JARID2: variants seen among roughly 807,000 people sequenced by gnomAD.
JARID2 encodes protein Jumonji.
A neutral mutation model predicts 125.6 loss-of-function variants in JARID2; 21 were observed. The observed-to-expected ratio is 0.17, with a 90% confidence interval of 0.12 to 0.24. The LOEUF is 0.24. Ranked by LOEUF, JARID2 falls within the 10% of genes least tolerant of loss-of-function variation. JARID2 has a pLI of 1.00. For missense variants in JARID2, 1,303 were observed against 1,639.6 expected (o/e 0.79, Z 3.55); for synonymous variants, 736 against 661.6 (o/e 1.11, Z -1.73).
intron 17 of JARID2, among the ~76,000 whole-genome samples, chr6:15,519,476 C>T (rs759147090): frequency 8.5e-5 from 13 of 152,076 alleles, no homozygotes; most frequent in Non-Finnish European, 1.8e-4. Context: ...CCCAGCCACC[C>T]GTGGCCCAGA....
intron 3 of JARID2, among the ~76,000 whole-genome samples, chr6:15,429,329 A>G (rs1426914912): frequency 6.6e-6 from 1 of 151,700 alleles, no homozygotes; most frequent in East Asian, 1.9e-4. Context: ...CAATGGTGTC[A>G]TCATAGGCTA....
intron 1 of JARID2, among the ~76,000 whole-genome samples, chr6:15,353,621 T>C: frequency 6.6e-6 from 1 of 152,176 alleles, no homozygotes; most frequent in Non-Finnish European, 1.5e-5. Flanking sequence ...CCTGTCACAT[T>C]AGAATGATCC....
intron 2 of JARID2, among the ~76,000 whole-genome samples, chr6:15,389,176 CTGTT>C (rs1199606859): frequency 2.6e-5 from 4 of 152,096 alleles, no homozygotes; most frequent in Non-Finnish European, 4.4e-5. Flanking sequence ...ATTTATTTAA[CTGTT>C]TGTTTTTATT....
At chr6:15,381,446 A>T (rs1020804783) in intron 2 of JARID2, among the ~76,000 whole-genome samples, 2 of 151,740 alleles carry the variant, frequency 1.3e-5, no homozygotes, top group Non-Finnish European at 2.9e-5. Context: ...GACCAGTTGC[A>T]GCTTGAGTTT....
chr6:15,367,553 C>T (rs1764023497), intron 1 of JARID2, among the ~76,000 whole-genome samples: 1 of 152,188 alleles, frequency 6.6e-6, no homozygotes. Context: ...TAACACATTT[C>T]TGAGTTTTGA....
intron 3 of JARID2, among the ~76,000 whole-genome samples, chr6:15,446,591 AG>A (rs746566747): frequency 6.6e-6 from 1 of 152,252 alleles, no homozygotes; most frequent in Admixed American, 6.5e-5. Flanking sequence ...CCTTTGTCTT[AG>A]GCCATTTGTT....
At chr6:15,276,772 A>ACCT (rs1760538615) in intron 1 of JARID2, among the ~76,000 whole-genome samples, 1 of 152,064 alleles carries the variant, frequency 6.6e-6, no homozygotes, top group Non-Finnish European at 1.5e-5. Flanking sequence ...CTTGGAGGAG[A>ACCT]GGTCCAGGCT....
intron 1 of JARID2, among the ~76,000 whole-genome samples, chr6:15,314,380 T>C (rs554531238): frequency 6.6e-6 from 1 of 152,342 alleles, no homozygotes; most frequent in African/African-American, 2.4e-5. Flanking sequence ...AGGTGAATCT[T>C]CTTGCTTATA....
chr6:15,500,967 A>G lies in JARID2; in HGVS notation c.2006A>G (p.Gln669Arg). The stretch of plus-strand genomic sequence containing the variant: ...CTGATTAATGAGATGGGCGGCATGC[A>G]GCAAGTGACTGACCTCAAAAAATGG... ...FRLINEMGGM[Q>R]QVTDLKKWNK... The change falls in exon 8 of 18, where the codon CAG becomes CGG. Residue 669 changes from glutamine to arginine, a missense_variant. Coordinates refer to ENST00000341776, the MANE Select transcript of JARID2 (RefSeq NM_004973.4). The G allele has an allele frequency of 6.2e-7, 1 of 1,614,026 alleles. No individual in the cohort carries two copies. Among genetic ancestry groups the G allele is most frequent in the Non-Finnish European group, 8.5e-7 (1 of 1,179,896 alleles).
chr6:15,336,836 C>G (rs1236524815), intron 1 of JARID2, among the ~76,000 whole-genome samples: 1 of 152,076 alleles, frequency 6.6e-6, no homozygotes, highest in Non-Finnish European at 1.5e-5. Flanking sequence ...GTGCGAGCCA[C>G]TGTATTTTTT....
intron 5 of JARID2, among the ~76,000 whole-genome samples, chr6:15,472,162 G>GA (rs1384193929): frequency 2.0e-5 from 3 of 151,768 alleles, no homozygotes; most frequent in African/African-American, 4.8e-5. Context: ...TCCAGGCTGG[G>GA]AAGACTAGGT....
At chr6:15,460,608 A>C (rs1362289612) in intron 4 of JARID2, among the ~76,000 whole-genome samples, 1 of 152,230 alleles carries the variant, frequency 6.6e-6, no homozygotes, top group African/African-American at 2.4e-5. Flanking sequence ...CAGCTTCTCC[A>C]TTGGGAACTG....
chr6:15,420,861 T>G (rs913170719), intron 3 of JARID2, among the ~76,000 whole-genome samples: 1 of 152,248 alleles, frequency 6.6e-6, no homozygotes, highest in South Asian at 2.1e-4. Context: ...GGATTATGTT[T>G]ACCATGTAGG....
At chr6:15,326,924 A>G (rs554260653) in intron 1 of JARID2, among the ~76,000 whole-genome samples, 1 of 152,366 alleles carries the variant, frequency 6.6e-6, no homozygotes, top group African/African-American at 2.4e-5. Context: ...AATAAGGTCT[A>G]TACATTGATA....
At chr6:15,376,248 A>G (rs1764349538) in intron 2 of JARID2, among the ~76,000 whole-genome samples, 1 of 152,124 alleles carries the variant, frequency 6.6e-6, no homozygotes, top group South Asian at 2.1e-4. Context: ...ATACAGAGAC[A>G]CCTCGGCTTC....
intron 1 of JARID2, among the ~76,000 whole-genome samples, chr6:15,301,200 G>A (rs545940977): frequency 6.6e-6 from 1 of 152,202 alleles, no homozygotes. Context: ...CTGCAAAATG[G>A]TAGGGTGGTA....
intron 3 of JARID2, among the ~76,000 whole-genome samples, chr6:15,437,406 C>G (rs998370319): frequency 6.6e-6 from 1 of 152,184 alleles, no homozygotes; most frequent in Non-Finnish European, 1.5e-5. Context: ...TTGGCCTCAG[C>G]TCCTTATGCA....
Position 15,332,930 on chromosome 6 carries a change from C to CT in JARID2, c.46-41183dup, listed in dbSNP as rs1319288795. Among the ~76,000 whole-genome samples the CT allele has an allele frequency of 1.1e-3, 93 of 82,810 alleles. 1 individual carries two copies. Among genetic ancestry groups the CT allele is most frequent in the South Asian group, 1.8e-3 (4 of 2,184 alleles). 54.3% of individuals were successfully genotyped at this position (82,810 alleles called of 152,430 possible). A position where few individuals can be genotyped will look rare whatever the true frequency, so the allele number is the denominator to read the frequency against. ...TAAAATTTACCCTTTCTTTTCTTTT[C>CT]TTTTCTTTTTTTTTTTTTTTTTTTT... On this transcript the variant is annotated intron_variant, in intron 1 of 17. Coordinates refer to ENST00000341776, the MANE Select transcript of JARID2 (RefSeq NM_004973.4).
chr6:15,416,108 C>G (rs1258511916), intron 3 of JARID2, among the ~76,000 whole-genome samples: 1 of 151,730 alleles, frequency 6.6e-6, no homozygotes, highest in Non-Finnish European at 1.5e-5. Flanking sequence ...GGCAGAGACT[C>G]TCCTCACTTC....
Sources: gnomAD v4.1 joint callset for allele counts (sites outside exome capture counted in the v4.1 genomes callset) on GRCh38, gnomAD v4.1.1 for gene constraint, MANE v1.5 for transcripts, NCBI Gene and HGNC (gene_info 2026-07-23, HGNC 2026-07-21) for gene names.